The following INTS3 variants were observed in gnomAD, a reference collection of about 807,000 sequenced individuals.
The protein encoded by INTS3 is SOSS complex subunit A.
A neutral mutation model predicts 146.3 loss-of-function variants in INTS3; 34 were observed. That is an observed-to-expected ratio of 0.23 (90% confidence interval 0.18 to 0.31). INTS3 has a LOEUF of 0.31. Ranked by LOEUF, INTS3 falls within the 10% of genes least tolerant of loss-of-function variation. INTS3 has a pLI of 1.00. For synonymous variants in INTS3, 475 were observed against 494.9 expected, an observed-to-expected ratio of 0.96 and a Z score of 0.53; for missense variants, 757 against 1,304.2, an observed-to-expected ratio of 0.58 and a Z score of 6.46.
chr1:153,757,486 C>T lies in INTS3; in HGVS notation c.958-86C>T, dbSNP rs1380182204. 8.4e-7 allele frequency: 1 copy of T among 1,183,918 alleles called. No homozygotes were observed. The highest frequency in any genetic ancestry group is 1.9e-5 in the Admixed American group (1 of 52,680). The allele number at this position is 1,183,918 out of a possible 1,614,324, so 73.3% of individuals were successfully genotyped here. ...TGGAGAAATAGAGGTCTAGGGCAAA[C>T]CTAGAGTTAAGTGGTGCTCGTTTTC... is the stretch of plus-strand genomic sequence containing the variant. On this transcript the variant is annotated intron_variant, in intron 9 of 29. Transcript: ENST00000318967. The surrounding 1 kb of genome is among the most constrained non-coding windows in gnomAD (Gnocchi z 4.0).
At chr1:153,755,818 C>T (rs1672137880) in intron 9 of INTS3, among the ~76,000 whole-genome samples, 1 of 151,790 alleles carries the variant, frequency 6.6e-6, no homozygotes, top group Non-Finnish European at 1.5e-5. Context: ...GTGGGCAGAT[C>T]ACTTGAGATC....
chr1:153,747,333 G>A lies in INTS3; in HGVS notation c.487G>A (p.Val163Ile). ...VKSGVLGADGVCMTFMKQIAG... is the reference protein window; with the variant it reads ...VKSGVLGADGICMTFMKQIAG... ...GAGTGGGGTTCTGGGAGCCGATGGT[G>A]TTTGTATGACGTTTATGAAGCAGAT... is the stretch of plus-strand genomic sequence containing the variant. The change falls in exon 5 of 30, where the codon GTT becomes ATT. Residue 163 changes from valine (V) to isoleucine (I), a missense_variant. Physicochemically the swap from Val to Ile is conservative, Grantham distance 29 (BLOSUM62 3). Coordinates refer to ENST00000318967, the MANE Select transcript of INTS3 (RefSeq NM_023015.5). 1 of 1,614,156 alleles carries A rather than the reference G, an allele frequency of 6.2e-7. No individual in the cohort carries two copies. The highest frequency in any genetic ancestry group is 8.5e-7 in the Non-Finnish European group (1 of 1,180,008).
Position 153,728,447 on chromosome 1 carries a change from G to C in INTS3, c.-188G>C, listed in dbSNP as rs1670941174. 1.6e-6 allele frequency: 1 copy of C among 632,230 alleles called. No individual in the cohort carries two copies. The highest frequency in any genetic ancestry group is 1.9e-5 in the African/African-American group (1 of 51,790). The allele number at this position is 632,230 out of a possible 1,614,324, so 39.2% of individuals were successfully genotyped here. ...CCCCAGAGTCAGGACCCAGAGGACT[G>C]TGCCTTCGCCCCCAACGCAGGCGCG... On this transcript the variant is annotated 5_prime_UTR_variant, in exon 1 of 30. Transcript: ENST00000318967.
In INTS3 at chr1:153,739,211, G is replaced by A. The variant is rs368622551; in HGVS notation, c.151-1440G>A. Among the ~76,000 whole-genome samples, 501 of 152,250 alleles carry A rather than the reference G, an allele frequency of 3.3e-3. 2 individuals are homozygous for A. Among genetic ancestry groups the A allele is most frequent in the African/African-American group, 0.01 (423 of 41,550 alleles). On this transcript the variant is annotated intron_variant, in intron 1 of 29. Transcript: ENST00000318967. ...CTCGAGTAGCTGGGACTACAGGCGTGTGCCACAATGCCCAGCTAATTTTTG... is the reference window on the plus strand; with the variant it reads ...CTCGAGTAGCTGGGACTACAGGCGTATGCCACAATGCCCAGCTAATTTTTG...
rs201573287 is a variant in INTS3 at position 153,757,562 on chromosome 1, C to G, written c.958-10C>G. 21 of 1,611,620 alleles carry G rather than the reference C, an allele frequency of 1.3e-5. No homozygotes were observed. In the East Asian group the frequency reaches 4.5e-4, roughly 34 times the overall value. ...TTCTAAGGTCTTTTTCTTGCTTCCC[C>G]TTTCCCCAGGTGCGATTTGGTCAAC... On this transcript the variant is annotated splice_polypyrimidine_tract_variant and intron_variant, in intron 9 of 29. Transcript: ENST00000318967. This position sits in a 1 kb window ranked among gnomAD's most constrained non-coding sequence, Gnocchi z 4.0.
At chr1:153,766,894 AC>A (rs1392328353) in intron 20 of INTS3, 3 of 150,796 alleles carry the variant, frequency 2.0e-5, no homozygotes, top group Non-Finnish European at 4.4e-5. Context: ...ACAGGGTTTC[AC>A]CATGTTGGCC....
chr1:153,770,594 C>T (rs569092882), intron 24 of INTS3, 91 bp from the exon 25 acceptor site: 9 of 1,072,690 alleles, frequency 8.4e-6, no homozygotes, highest in Admixed American at 1.8e-5. Flanking sequence ...TCCTTATTCC[C>T]TCCAGTGGCT....
chr1:153,761,476 C>T (rs1159495951), intron 13 of INTS3, 94 bp from the exon 14 acceptor site: 4 of 885,754 alleles, frequency 4.5e-6, no homozygotes, highest in East Asian at 2.5e-5. Context: ...TGCCACTGCA[C>T]TCCAGCCTAG....
At chr1:153,752,471 G>A in intron 8 of INTS3, 63 bp downstream of exon 8, 1 of 1,524,318 alleles carries the variant, frequency 6.6e-7, no homozygotes, top group Non-Finnish European at 8.9e-7. Flanking sequence ...TGTCTTGCTT[G>A]AATCAAGAAG....
At chr1:153,761,781 C>T (rs181068651) in intron 14 of INTS3, 105 bp downstream of exon 14, 20 of 648,486 alleles carry the variant, frequency 3.1e-5, no homozygotes, top group East Asian at 2.5e-4. Flanking sequence ...TCTCCACTTC[C>T]GTGACACTGT....
rs1455694800 is a variant in INTS3, at chr1:153,741,326, C to T, written c.276C>T (p.Gly92=). 2 of 1,614,110 alleles carry T rather than the reference C, an allele frequency of 1.2e-6. No individual in the cohort carries two copies. Among genetic ancestry groups the T allele is most frequent in the South Asian group, 2.2e-5 (2 of 91,076 alleles). ...GLPQHEEICL[G]LFTLILTEPA... The stretch of plus-strand genomic sequence containing the variant: ...CCCAGCATGAAGAAATCTGCCTGGG[C>T]CTGTTTACTCTCATCCTCACTGAAC... The change falls in exon 3 of 30, where the codon GGC becomes GGT. Residue 92 remains glycine, a synonymous_variant. Coordinates refer to ENST00000318967, the MANE Select transcript of INTS3 (RefSeq NM_023015.5).
At position 153,763,271 on chromosome 1, in the gene INTS3, A is replaced by T; in HGVS notation, c.1675A>T (p.Thr559Ser). Residue 559 changes from threonine (T) to serine (S), a missense_variant, in exon 16 of 30, where the codon ACA becomes TCA. Thr to Ser is a moderately conservative substitution (Grantham distance 58). Around this residue, in one of 8 missense-constraint regions of INTS3, gnomAD observed 89 missense variants for 210.9 expected, o/e 0.42. Transcript: ENST00000318967. Reference sequence around the variant, plus strand: ...GTTTCGCTTCCACCCTATCAAGGAGACAGTTGTGGAGGAGCCAGTTGATAT... The same window carrying T: ...GTTTCGCTTCCACCCTATCAAGGAGTCAGTTGTGGAGGAGCCAGTTGATAT... ...REFRFHPIKE[T>S]VVEEPVDITP... 2 of 1,614,104 alleles carry T rather than the reference A, an allele frequency of 1.2e-6. No homozygotes were observed. The highest frequency in any genetic ancestry group is 1.7e-6 in the Non-Finnish European group (2 of 1,180,000).
rs763976321 is a variant in INTS3 at position 153,751,138 on chromosome 1, T to C, written c.628T>C (p.Tyr210His). 1 of 1,614,200 alleles carries C rather than the reference T, an allele frequency of 6.2e-7. No individual in the cohort carries two copies. Among genetic ancestry groups the C allele is most frequent in the East Asian group, 2.2e-5 (1 of 44,886 alleles). ...CAGCATCCTCATTGCCATGGCTGTTTACACGTACCTCCGCCTCATCGTGGA... is the reference window on the plus strand; with the variant it reads ...CAGCATCCTCATTGCCATGGCTGTTCACACGTACCTCCGCCTCATCGTGGA... The part of the protein sequence containing the change: ...KSSILIAMAV[Y>H]TYLRLIVDHH... The change falls in exon 7 of 30, where the codon TAC becomes CAC. Residue 210 changes from tyrosine (Y) to histidine (H), a missense_variant. Around this residue, in one of 8 missense-constraint regions of INTS3, gnomAD observed 134 missense variants for 243.1 expected, o/e 0.55. Coordinates refer to ENST00000318967, the MANE Select transcript of INTS3 (RefSeq NM_023015.5).
At chr1:153,746,899 G>T (rs879859016) in intron 3 of INTS3, 58 bp from the exon 4 acceptor site, 10 of 1,038,536 alleles carry the variant, frequency 9.6e-6, no homozygotes, top group Non-Finnish European at 1.2e-5. Flanking sequence ...TCCACTGTGG[G>T]TGGGGTGAGG....
intron 3 of INTS3, 80 bp from the exon 4 acceptor site, chr1:153,746,877 G>C (rs1671767067): frequency 2.6e-6 from 2 of 779,388 alleles, no homozygotes; most frequent in African/African-American, 3.5e-5. Flanking sequence ...TAAGGGATTA[G>C]AGGGCAAGGG....
intron 20 of INTS3, among the ~76,000 whole-genome samples, chr1:153,765,845 C>A (rs1031068478): frequency 6.6e-6 from 1 of 152,148 alleles, no homozygotes; most frequent in African/African-American, 2.4e-5. Flanking sequence ...GCTGGGATTA[C>A]AGGTGTGAGC....
intron 1 of INTS3, among the ~76,000 whole-genome samples, chr1:153,735,543 G>C (rs1671252642): frequency 6.6e-6 from 1 of 152,034 alleles, no homozygotes; most frequent in Admixed American, 6.6e-5. Flanking sequence ...TTTTCCCTTT[G>C]GTAGGAAGGA....
chr1:153,754,175 C>G (rs1407488466), intron 8 of INTS3, among the ~76,000 whole-genome samples: 3 of 152,044 alleles, frequency 2.0e-5, no homozygotes, highest in Non-Finnish European at 4.4e-5. Flanking sequence ...GGAGGCACAT[C>G]TCACGCATGA....
At chr1:153,760,070 A>C (rs555442679) in intron 11 of INTS3, 11 of 574,882 alleles carry the variant, frequency 1.9e-5, no homozygotes, top group African/African-American at 1.5e-4. Context: ...ATGGAGATAG[A>C]AACAGACTGA....
Sources: gnomAD v4.1 joint callset for allele counts (sites outside exome capture counted in the v4.1 genomes callset) on GRCh38, gnomAD v4.1.1 for gene constraint, gnomAD v4.1.1 regional missense constraint, Gnocchi (gnomAD v3.1) non-coding constraint, MANE v1.5 for transcripts, NCBI Gene and HGNC (gene_info 2026-07-23, HGNC 2026-07-21) for gene names.